OR51B5: variants seen among roughly 807,000 people sequenced by gnomAD.
OR51B5 encodes the protein olfactory receptor 51B5.
For synonymous variants in OR51B5, 186 were observed against 144.8 expected (o/e 1.28, Z -2.04); for missense variants, 456 against 374.6 (o/e 1.22, Z -1.79).
intron 1 of OR51B5, among the ~76,000 whole-genome samples, chr11:5,432,291 G>C (rs1262495504): frequency 6.6e-6 from 1 of 152,066 alleles, no homozygotes; most frequent in African/African-American, 2.4e-5. Context: ...GCTCAATCTT[G>C]TGAAAGACAG....
At chr11:5,440,530 A>G (rs377312909) in intron 1 of OR51B5, 22 of 1,457,088 alleles carry the variant, frequency 1.5e-5, no homozygotes, top group Middle Eastern at 1.8e-4. Context: ...ACATGTCCCA[A>G]TCCTTCCTCC....
rs557400976 is a variant in OR51B5 at position 5,483,524 on chromosome 11, G to T, written n.84+22045C>A. ...AAGTATAATTAAAAAAAAAAGAAAA[G>T]AAAAGAAAAGAAAGAGTAGAAAGTA... is the stretch of plus-strand genomic sequence containing the variant. On this transcript the variant is annotated intron_variant and non_coding_transcript_variant, in intron 1 of 4. Transcript: ENST00000415970. Among the ~76,000 whole-genome samples the T allele has an allele frequency of 2.7e-4, 36 of 132,796 alleles. No individual in the cohort carries two copies. In the South Asian group the frequency reaches 9.4e-3, roughly 35 times the overall value. The allele number at this position is 132,796 out of a possible 152,430, so 87.1% of individuals were successfully genotyped here.
intron 1 of OR51B5, chr11:5,423,311 CT>C (rs367920883): frequency 1.2e-6 from 1 of 816,904 alleles, no homozygotes; most frequent in African/African-American, 1.7e-5. Context: ...CTGAGGTGAG[CT>C]AGCAGCAGTG....
At chr11:5,459,602 C>G (rs1235915628) in intron 1 of OR51B5, among the ~76,000 whole-genome samples, 2 of 151,984 alleles carry the variant, frequency 1.3e-5, no homozygotes, top group East Asian at 1.9e-4. Context: ...AGAAGATATA[C>G]AGGTGGCCAA....
chr11:5,401,736 C>A (rs1183316044), intron 1 of OR51B5, among the ~76,000 whole-genome samples: 1 of 151,336 alleles, frequency 6.6e-6, no homozygotes, highest in East Asian at 1.9e-4. Flanking sequence ...CCAGACATCT[C>A]CACACCAACT....
At chr11:5,362,131 A>T (rs1849293778) in intron 1 of OR51B5, among the ~76,000 whole-genome samples, 1 of 152,168 alleles carries the variant, frequency 6.6e-6, no homozygotes, top group Admixed American at 6.5e-5. Context: ...AGTCAGAGAG[A>T]GCTTGTTGGT....
chr11:5,464,988 C>T (rs536302744), intron 1 of OR51B5, among the ~76,000 whole-genome samples: 3,462 of 152,088 alleles, frequency 0.023, 60 homozygotes, highest in Non-Finnish European at 0.036. Context: ...GGGCGGATCG[C>T]GAGGTCAGGA....
At chr11:5,421,525 TTCCTC>T (rs1425522410) in intron 1 of OR51B5, among the ~76,000 whole-genome samples, 1 of 152,252 alleles carries the variant, frequency 6.6e-6, no homozygotes, top group Non-Finnish European at 1.5e-5. Context: ...TTCTGACTAT[TTCCTC>T]TCTTTCTCTT....
chr11:5,480,677 T>A (rs1851404248), intron 1 of OR51B5, among the ~76,000 whole-genome samples: 1 of 150,872 alleles, frequency 6.6e-6, no homozygotes, highest in Non-Finnish European at 1.5e-5. Flanking sequence ...AAAGGGGATA[T>A]CACCACCGAT....
intron 1 of OR51B5, chr11:5,390,614 C>T: frequency 2.2e-6 from 1 of 458,752 alleles, no homozygotes; most frequent in Non-Finnish European, 3.8e-6. Flanking sequence ...TCAAAGCTAT[C>T]CAGAAGGCAA....
At chr11:5,415,249 C>T (rs961374098) in intron 1 of OR51B5, among the ~76,000 whole-genome samples, 6 of 150,260 alleles carry the variant, frequency 4.0e-5, no homozygotes, top group Admixed American at 6.6e-5. Context: ...CACAACATAC[C>T]AGAATCTCTG....
intron 1 of OR51B5, among the ~76,000 whole-genome samples, chr11:5,408,666 A>G (rs993770825): frequency 1.3e-5 from 2 of 152,110 alleles, no homozygotes; most frequent in Non-Finnish European, 2.9e-5. Flanking sequence ...ATCACAATGT[A>G]TCCAGAAAAA....
chr11:5,445,522 A>G (rs1051861944), intron 1 of OR51B5, among the ~76,000 whole-genome samples: 1 of 152,062 alleles, frequency 6.6e-6, no homozygotes, highest in Non-Finnish European at 1.5e-5. Flanking sequence ...GCAACATTTT[A>G]GTCTAGATAT....
At chr11:5,471,949 T>A (rs184319088) in intron 1 of OR51B5, among the ~76,000 whole-genome samples, 1 of 152,126 alleles carries the variant, frequency 6.6e-6, no homozygotes, top group South Asian at 2.1e-4. Flanking sequence ...AAGAGGGACA[T>A]TGAGGGGCTG....
intron 1 of OR51B5, among the ~76,000 whole-genome samples, chr11:5,371,954 T>C (rs1486103603): frequency 6.6e-6 from 1 of 152,200 alleles, no homozygotes; most frequent in Non-Finnish European, 1.5e-5. Flanking sequence ...CATTTGACCT[T>C]ATTTTTCTTT....
intron 1 of OR51B5, chr11:5,391,111 T>C (rs933455820): frequency 1.3e-5 from 2 of 152,234 alleles, no homozygotes; most frequent in Admixed American, 6.5e-5. Context: ...AACAATGACA[T>C]GTAACGTGAG....
chr11:5,489,832 T>C (rs1053206341), intron 1 of OR51B5: 7 of 602,726 alleles, frequency 1.2e-5, no homozygotes, highest in South Asian at 4.4e-5. Flanking sequence ...ACACTGAACA[T>C]ACTATTTTCC....
chr11:5,365,337 G>A (rs537337855), intron 1 of OR51B5, among the ~76,000 whole-genome samples: 1 of 152,320 alleles, frequency 6.6e-6, no homozygotes, highest in East Asian at 1.9e-4. Context: ...AGCATACACT[G>A]ATGCCAAAGG....
chr11:5,501,780 A>G (rs990138044), intron 1 of OR51B5, among the ~76,000 whole-genome samples: 1 of 148,210 alleles, frequency 6.7e-6, no homozygotes, highest in African/African-American at 2.4e-5. Flanking sequence ...CCTGTTTATT[A>G]TTATACTTTA....
Sources: allele counts gnomAD v4.1 joint callset (sites outside exome capture counted in the v4.1 genomes callset), GRCh38; gene constraint gnomAD v4.1.1; transcripts MANE v1.5; gene names NCBI Gene and HGNC (gene_info 2026-07-23, HGNC 2026-07-21).